The following FNDC3A variants were observed in gnomAD, a reference collection of about 807,000 sequenced individuals.
FNDC3A encodes fibronectin type III domain containing 3A, also known as fibronectin type-III domain-containing protein 3A.
Under a neutral mutation model 148.9 loss-of-function variants are expected in FNDC3A, and 32 were observed. The ratio of observed to expected loss-of-function variants is 0.21; its 90% CI spans 0.16 to 0.29. FNDC3A has a LOEUF of 0.29. FNDC3A is among the 10% of genes least tolerant of loss of function. The pLI, the probability that FNDC3A is intolerant of heterozygous loss-of-function variation, is 1.00. For synonymous variants in FNDC3A, 472 were observed against 473.6 expected, an observed-to-expected ratio of 1.00 and a Z score of 0.04; for missense variants, 1,191 against 1,452.8, an observed-to-expected ratio of 0.82 and a Z score of 2.93.
At chr13:49,110,462 A>AT in intron 3 of FNDC3A, 1 of 1,167,980 alleles carries the variant, frequency 8.6e-7, no homozygotes, top group Non-Finnish European at 1.3e-6. Flanking sequence ...AAAGCATTGT[A>AT]TTAATCTAAA....
chr13:49,167,422 A>T, intron 9 of FNDC3A, 119 bp downstream of exon 9: 1 of 625,344 alleles, frequency 1.6e-6, no homozygotes, highest in Non-Finnish European at 2.6e-6. Context: ...TTAAAAACAG[A>T]CTTTGTGGGC....
chr13:49,122,135 C>T (rs1881390552), intron 4 of FNDC3A, among the ~76,000 whole-genome samples: 2 of 152,290 alleles, frequency 1.3e-5, no homozygotes, highest in South Asian at 2.1e-4. Context: ...AGCAGCACAT[C>T]CAAAAGCTTA....
At chr13:49,200,890 C>A (rs1197024734) in intron 23 of FNDC3A, among the ~76,000 whole-genome samples, 1 of 151,234 alleles carries the variant, frequency 6.6e-6, no homozygotes, top group Non-Finnish European at 1.5e-5. Flanking sequence ...TTAGTTGTTC[C>A]CTGATCCAGA....
intron 8 of FNDC3A, among the ~76,000 whole-genome samples, chr13:49,159,253 C>T (rs1165829169): frequency 6.6e-6 from 1 of 152,192 alleles, no homozygotes; most frequent in Non-Finnish European, 1.5e-5. Context: ...TATCCATGAG[C>T]ATGGAATGTT....
chr13:49,173,557 C>T (rs901974710), intron 11 of FNDC3A, among the ~76,000 whole-genome samples: 7 of 152,168 alleles, frequency 4.6e-5, no homozygotes, highest in Non-Finnish European at 2.9e-5. Flanking sequence ...CTTTATTTAA[C>T]ATTATTTCAG....
At chr13:49,145,537 A>G (rs1218345968) in intron 7 of FNDC3A, among the ~76,000 whole-genome samples, 2 of 151,992 alleles carry the variant, frequency 1.3e-5, no homozygotes, top group Non-Finnish European at 1.5e-5. Context: ...TCTTTTGACT[A>G]TGTATGGTGT....
intron 1 of FNDC3A, among the ~76,000 whole-genome samples, chr13:48,996,434 G>A (rs935670463): frequency 6.6e-6 from 1 of 152,148 alleles, no homozygotes; most frequent in Non-Finnish European, 1.5e-5. Context: ...TGTTGCATCT[G>A]TACTAAATAT....
intron 10 of FNDC3A, among the ~76,000 whole-genome samples, chr13:49,169,637 G>A (rs1433153498): frequency 6.6e-6 from 1 of 152,124 alleles, no homozygotes; most frequent in Non-Finnish European, 1.5e-5. Flanking sequence ...TGTTAGCATT[G>A]GTTTGCAGTG....
chr13:49,064,737 G>A (rs778124162), intron 2 of FNDC3A, among the ~76,000 whole-genome samples: 25 of 152,062 alleles, frequency 1.6e-4, no homozygotes, highest in Admixed American at 1.1e-3. Context: ...ATGGTGAGGC[G>A]GAAAGTTCAC....
At chr13:49,070,084 A>G (rs1280191458) in intron 2 of FNDC3A, among the ~76,000 whole-genome samples, 1 of 152,200 alleles carries the variant, frequency 6.6e-6, no homozygotes, top group Non-Finnish European at 1.5e-5. Context: ...GTTGCCTAAT[A>G]GAAATATAAT....
At chr13:48,995,676 A>G (rs889647041) in intron 1 of FNDC3A, among the ~76,000 whole-genome samples, 4 of 152,228 alleles carry the variant, frequency 2.6e-5, no homozygotes, top group Non-Finnish European at 5.9e-5. Context: ...TAATGCATGT[A>G]ATTATATTTT....
At chr13:49,146,158 T>C in intron 8 of FNDC3A, 1 of 456,820 alleles carries the variant, frequency 2.2e-6, no homozygotes, top group Non-Finnish European at 3.9e-6. Flanking sequence ...ACATTCAGCT[T>C]TTTTTTTCCC....
chr13:49,124,318 A>T (rs773638394), intron 4 of FNDC3A, among the ~76,000 whole-genome samples: 3 of 152,088 alleles, frequency 2.0e-5, no homozygotes, highest in Non-Finnish European at 4.4e-5. Flanking sequence ...AGGGAGGGGA[A>T]CATCACACAC....
chr13:49,061,993 A>G (rs1448212163), intron 2 of FNDC3A, among the ~76,000 whole-genome samples: 3 of 151,472 alleles, frequency 2.0e-5, no homozygotes, highest in Non-Finnish European at 4.4e-5. Flanking sequence ...ACCATTTTAC[A>G]GTCCCCATAG....
chr13:49,168,163 T>C (rs1269999125), intron 9 of FNDC3A, among the ~76,000 whole-genome samples: 1 of 152,210 alleles, frequency 6.6e-6, no homozygotes, highest in African/African-American at 2.4e-5. Context: ...GGATTATTTC[T>C]GTTAAACTAC....
At position 49,174,464 on chromosome 13, in the gene FNDC3A, T is replaced by C; in HGVS notation, c.1260T>C (p.Cys420=). The C allele has an allele frequency of 6.2e-7, 1 of 1,611,874 alleles. No individual in the cohort carries two copies. The highest frequency in any genetic ancestry group is 1.7e-4 in the Middle Eastern group (1 of 6,048). Residue 420 remains cysteine, a synonymous_variant, in exon 12 of 26, where the codon TGT becomes TGC. Coordinates refer to ENST00000492622, the MANE Select transcript of FNDC3A (RefSeq NM_001079673.2). The part of the protein sequence containing the change: ...EGKGNGEFCQ[C]YMGSQKQFKI... ...AAGGAAATGGAGAATTTTGTCAGTG[T>C]TACATGGGCTCACAGAAACAATTTA... is the stretch of plus-strand genomic sequence containing the variant.
chr13:49,085,578 G>T (rs576697613), intron 3 of FNDC3A, among the ~76,000 whole-genome samples: 1 of 152,218 alleles, frequency 6.6e-6, no homozygotes, highest in East Asian at 1.9e-4. Context: ...TGTGTCTATT[G>T]TGTTGTAGAT....
rs558938803 is a variant in FNDC3A at position 49,118,206 on chromosome 13, G to A, written c.252+3475G>A. Among the ~76,000 whole-genome samples, 76 of 152,146 alleles carry A rather than the reference G, an allele frequency of 5.0e-4. 1 individual carries two copies. The highest frequency in any genetic ancestry group is 3.7e-4 in the Non-Finnish European group (25 of 68,030). On this transcript the variant is annotated intron_variant, in intron 4 of 25. Coordinates refer to ENST00000492622, the MANE Select transcript of FNDC3A (RefSeq NM_001079673.2). ...CACAGAGGGCAAGCCCACAGAGGGC[G>A]AGCTGAAGCAGGGTGGGGCATCGCC... is the stretch of plus-strand genomic sequence containing the variant.
intron 3 of FNDC3A, among the ~76,000 whole-genome samples, chr13:49,084,624 C>G (rs1482727390): frequency 1.3e-5 from 2 of 152,136 alleles, no homozygotes; most frequent in Non-Finnish European, 2.9e-5. Context: ...TTCAAGTTTT[C>G]TGAGAGGTAT....
Sources: allele counts gnomAD v4.1 joint callset (sites outside exome capture counted in the v4.1 genomes callset), GRCh38; gene constraint gnomAD v4.1.1; transcripts MANE v1.5; gene names NCBI Gene and HGNC (gene_info 2026-07-23, HGNC 2026-07-21).